The following NAALADL2 variants were observed in gnomAD, a reference collection of about 807,000 sequenced individuals.
The protein encoded by NAALADL2 is N-acetylated alpha-linked acidic dipeptidase like 2.
In NAALADL2, 76 loss-of-function variants were observed where a neutral mutation model predicts 87.2. The ratio of observed to expected loss-of-function variants is 0.87; its 90% CI spans 0.72 to 1.05. The LOEUF is 1.05. Ranked by LOEUF, NAALADL2 falls within the 50% of genes least tolerant of loss-of-function variation. NAALADL2 has a pLI of 0.00. For missense variants in NAALADL2, 1,089 were observed against 945.8 expected (o/e 1.15, Z -1.99); for synonymous variants, 354 against 331.0 (o/e 1.07, Z -0.75).
chr3:174,481,117 A>G (rs765618335), intron 1 of NAALADL2, among the ~76,000 whole-genome samples: 9 of 152,118 alleles, frequency 5.9e-5, no homozygotes, highest in African/African-American at 2.4e-5. Context: ...TCTGGCTAGC[A>G]TGAGCAAAAG....
chr3:175,387,227 C>T (rs971774874), intron 5 of NAALADL2, among the ~76,000 whole-genome samples: 2 of 152,044 alleles, frequency 1.3e-5, no homozygotes, highest in Non-Finnish European at 2.9e-5. Flanking sequence ...ATACTATCTG[C>T]GGTTTCAGGC....
chr3:175,054,645 C>A (rs1711725230), intron 1 of NAALADL2, among the ~76,000 whole-genome samples: 1 of 152,162 alleles, frequency 6.6e-6, no homozygotes, highest in Non-Finnish European at 1.5e-5. Flanking sequence ...ATCTGTTAAC[C>A]ATTTTAAAGG....
chr3:174,787,599 A>ACATATATATATATATATG (rs1553855294), intron 3 of NAALADL2, among the ~76,000 whole-genome samples: 1 of 67,882 alleles, frequency 1.5e-5, no homozygotes, highest in African/African-American at 5.2e-5. Context: ...ATATATATAT[A>ACATATATATATATATATG]TATATATATA....
intron 9 of NAALADL2, among the ~76,000 whole-genome samples, chr3:175,575,336 G>A (rs765217962): frequency 6.6e-6 from 1 of 152,012 alleles, no homozygotes; most frequent in Non-Finnish European, 1.5e-5. Context: ...CCAGCCTGGA[G>A]TGCAATGGTA....
At chr3:175,129,812 T>A (rs1460110131) in intron 2 of NAALADL2, among the ~76,000 whole-genome samples, 2 of 152,332 alleles carry the variant, frequency 1.3e-5, no homozygotes, top group African/African-American at 2.4e-5. Context: ...GAGATACTAA[T>A]TTTATTTTCT....
chr3:175,031,257 AT>A (rs999974287), intron 1 of NAALADL2, among the ~76,000 whole-genome samples: 3 of 151,542 alleles, frequency 2.0e-5, no homozygotes, highest in Non-Finnish European at 4.4e-5. Context: ...CCAATAGGTA[AT>A]TTTTCAACCC....
chr3:174,684,175 A>T lies in NAALADL2; in HGVS notation c.-114-53466A>T, dbSNP rs545637444. On this transcript the variant is annotated intron_variant, in intron 2 of 3. Coordinates refer to the NAALADL2 transcript ENST00000434257. ...CTCTAATATTAAAATCTAAAAATTT[A>T]AAATAGTATTACTTATACAATTATT... 4.6e-5 allele frequency among the ~76,000 whole-genome samples: 7 copies of T among 152,202 alleles called. No homozygotes were observed. In the East Asian group the frequency reaches 1.4e-3, roughly 29 times the overall value.
At chr3:175,733,812 A>G (rs1045941682) in intron 11 of NAALADL2, among the ~76,000 whole-genome samples, 2 of 152,184 alleles carry the variant, frequency 1.3e-5, no homozygotes, top group African/African-American at 4.8e-5. Flanking sequence ...GGAGAAATTG[A>G]CCAAAATACA....
At chr3:175,060,106 G>A (rs533040705) in intron 1 of NAALADL2, 30 of 232,332 alleles carry the variant, frequency 1.3e-4, no homozygotes, top group African/African-American at 7.0e-4. Context: ...CTAAGAGAGG[G>A]AAAAAAAGCT....
intron 3 of NAALADL2, among the ~76,000 whole-genome samples, chr3:174,852,672 G>A (rs1725384493): frequency 6.6e-6 from 1 of 152,166 alleles, no homozygotes; most frequent in Admixed American, 6.5e-5. Context: ...CAATCTGTAT[G>A]AAAATACCAA....
At chr3:174,668,989 T>C (rs1309957731) in intron 2 of NAALADL2, among the ~76,000 whole-genome samples, 9 of 152,252 alleles carry the variant, frequency 5.9e-5, no homozygotes, top group African/African-American at 9.6e-5. Context: ...CCTGAGGAAT[T>C]GCCACACTGA....
At chr3:175,751,263 G>A (rs977181815) in intron 12 of NAALADL2, among the ~76,000 whole-genome samples, 3 of 151,774 alleles carry the variant, frequency 2.0e-5, no homozygotes, top group Admixed American at 1.3e-4. Flanking sequence ...GCAGCCCATG[G>A]GGAAAAATGG....
At chr3:175,220,704 A>G (rs959188832) in intron 2 of NAALADL2, among the ~76,000 whole-genome samples, 3 of 151,834 alleles carry the variant, frequency 2.0e-5, no homozygotes, top group East Asian at 1.9e-4. Flanking sequence ...CATTTTTGCT[A>G]TTATTTTTAT....
In NAALADL2 at chr3:174,754,028, C is replaced by T. The variant is rs565285490; in HGVS notation, c.-9+16282C>T. Among the ~76,000 whole-genome samples the T allele has an allele frequency of 4.0e-4, 61 of 152,264 alleles. 1 individual carries two copies. In the Middle Eastern group the frequency reaches 0.034, roughly 85 times the overall value. ...ACACCAGATCTCAACTTTTATCCTC[C>T]CAAACTGTGGGAAACAAATTCCTAC... On this transcript the variant is annotated intron_variant, in intron 3 of 3. Transcript: ENST00000434257.
intron 11 of NAALADL2, among the ~76,000 whole-genome samples, chr3:175,690,987 T>C (rs1690383417): frequency 6.6e-6 from 1 of 150,522 alleles, no homozygotes; most frequent in East Asian, 1.9e-4. Context: ...AGGTCTATTA[T>C]TGATCCACAA....
intron 1 of NAALADL2, among the ~76,000 whole-genome samples, chr3:175,073,103 T>C (rs975983320): frequency 6.6e-5 from 10 of 152,072 alleles, no homozygotes; most frequent in Non-Finnish European, 1.2e-4. Context: ...TGGCACTCAG[T>C]GATGTTTTAA....
intron 5 of NAALADL2, among the ~76,000 whole-genome samples, chr3:175,429,096 TG>T (rs1353174183): frequency 6.6e-6 from 1 of 151,758 alleles, no homozygotes; most frequent in African/African-American, 2.4e-5. Context: ...TTATCTGTAT[TG>T]TGTTGTTTTA....
At chr3:175,636,567 C>T (rs987012577) in intron 11 of NAALADL2, among the ~76,000 whole-genome samples, 2 of 151,540 alleles carry the variant, frequency 1.3e-5, no homozygotes, top group African/African-American at 2.4e-5. Context: ...GATGTGGTGG[C>T]GGGTGCCTGT....
intron 5 of NAALADL2, among the ~76,000 whole-genome samples, chr3:175,380,043 C>T (rs1198600540): frequency 2.0e-5 from 3 of 152,008 alleles, no homozygotes; most frequent in Non-Finnish European, 2.9e-5. Context: ...ACACCAGGGA[C>T]TGTTGTGGGG....
Sources: gnomAD v4.1 joint callset for allele counts (sites outside exome capture counted in the v4.1 genomes callset) on GRCh38, gnomAD v4.1.1 for gene constraint, MANE v1.5 for transcripts, NCBI Gene and HGNC (gene_info 2026-07-23, HGNC 2026-07-21) for gene names.